HIBCH: variants seen among roughly 807,000 people sequenced by gnomAD.
HIBCH encodes the protein 3-hydroxyisobutyryl-CoA hydrolase.
A neutral mutation model predicts 58.2 loss-of-function variants in HIBCH; 50 were observed. The ratio of observed to expected loss-of-function variants is 0.86; its 90% CI spans 0.68 to 1.09. The LOEUF (loss-of-function observed/expected upper bound fraction) is 1.09, where lower values mean the gene tolerates loss of function less well. Ranked by LOEUF, HIBCH falls within the 50% of genes least tolerant of loss-of-function variation. HIBCH has a pLI of 0.00. For missense variants in HIBCH, 450 were observed against 449.7 expected (o/e 1.00, Z -0.01); for synonymous variants, 151 against 146.9 (o/e 1.03, Z -0.20).
In HIBCH at chr2:190,243,834, G is replaced by A. The variant is rs1273060099; in HGVS notation, c.891+1053C>T. On this transcript the variant is annotated intron_variant, in intron 11 of 13. Transcript: ENST00000359678. This position sits in a 1 kb window ranked among gnomAD's most constrained non-coding sequence, Gnocchi z 4.1. ...AAATACAAAAAATTAGCCACCCGTG[G>A]TGGCACACGCCCGTAGTCCCAGCTA... is the stretch of plus-strand genomic sequence containing the variant. Among the ~76,000 whole-genome samples, 1 of 152,166 alleles carries A rather than the reference G, an allele frequency of 6.6e-6. No homozygotes were observed. Among genetic ancestry groups the A allele is most frequent in the Non-Finnish European group, 1.5e-5 (1 of 68,026 alleles).
chr2:190,271,636 A>G (rs73981034), intron 6 of HIBCH, among the ~76,000 whole-genome samples: 1,994 of 152,192 alleles, frequency 0.013, 52 homozygotes, highest in African/African-American at 0.044. Context: ...ATTCCCTGCA[A>G]TAGCTTCCTA....
intron 1 of HIBCH, among the ~76,000 whole-genome samples, chr2:190,193,517 A>C (rs775319316): frequency 8.2e-4 from 125 of 152,132 alleles, no homozygotes; most frequent in Non-Finnish European, 2.1e-4. Flanking sequence ...AGAGTTCTCT[A>C]GTGTAGCCAT....
Position 190,206,213 on chromosome 2 carries a change from C to A in HIBCH, c.1046-981G>T, listed in dbSNP as rs1425015208. On this transcript the variant is annotated intron_variant, in intron 13 of 13. Coordinates refer to ENST00000359678, the MANE Select transcript of HIBCH (RefSeq NM_014362.4). This position sits in a 1 kb window ranked among gnomAD's most constrained non-coding sequence, Gnocchi z 5.1. Reference sequence around the variant, plus strand: ...GGAAGCTTTTACATACAATTAAATGCAGATACGGGAGGTTTGTTTTTAAGA... The same window carrying A: ...GGAAGCTTTTACATACAATTAAATGAAGATACGGGAGGTTTGTTTTTAAGA... Among the ~76,000 whole-genome samples the A allele has an allele frequency of 6.6e-6, 1 of 152,132 alleles. No homozygotes were observed. Among genetic ancestry groups the A allele is most frequent in the African/African-American group, 2.4e-5 (1 of 41,432 alleles).
chr2:190,260,340 G>T (rs1687053989), intron 7 of HIBCH: 1 of 152,052 alleles, frequency 6.6e-6, no homozygotes, highest in African/African-American at 2.4e-5. Flanking sequence ...TATGACAAAA[G>T]ATAAGACCTA....
intron 11 of HIBCH, among the ~76,000 whole-genome samples, chr2:190,226,344 C>T (rs960540565): frequency 7.9e-5 from 12 of 152,022 alleles, no homozygotes; most frequent in Non-Finnish European, 1.5e-4. Context: ...GCCTGTAATC[C>T]CAGCACTTTG....
chr2:190,203,575 AT>A (rs1690312391), downstream of HIBCH: 1 of 153,590 alleles, frequency 6.5e-6, no homozygotes, highest in East Asian at 1.9e-4. Flanking sequence ...CATTTTCTGC[AT>A]TGTTAACAAA....
intron 11 of HIBCH, among the ~76,000 whole-genome samples, chr2:190,235,233 A>T (rs4853503): frequency 6.6e-6 from 1 of 152,066 alleles, no homozygotes; most frequent in Non-Finnish European, 1.5e-5. Context: ...CTGCTTAATT[A>T]ATCACAGGTT....
intron 7 of HIBCH, among the ~76,000 whole-genome samples, chr2:190,255,002 A>T (rs1686883787): frequency 6.6e-6 from 1 of 152,152 alleles, no homozygotes; most frequent in Non-Finnish European, 1.5e-5. Flanking sequence ...GCTAGTGGCT[A>T]TACAGTATTG....
chr2:190,226,734 C>G (rs572896885), intron 11 of HIBCH, among the ~76,000 whole-genome samples: 1 of 152,020 alleles, frequency 6.6e-6, no homozygotes, highest in African/African-American at 2.4e-5. Flanking sequence ...GCAAAGTCTC[C>G]GGATACAAAA....
At chr2:190,231,612 A>C (rs1686096994) in intron 11 of HIBCH, among the ~76,000 whole-genome samples, 1 of 152,164 alleles carries the variant, frequency 6.6e-6, no homozygotes, top group African/African-American at 2.4e-5. Flanking sequence ...TTTCCCCTTA[A>C]GACTGGGAAT....
intron 6 of HIBCH, among the ~76,000 whole-genome samples, chr2:190,284,082 T>G (rs1333218774): frequency 6.6e-6 from 1 of 152,214 alleles, no homozygotes; most frequent in East Asian, 1.9e-4. Context: ...CTGGTGGAGT[T>G]CTGGTTAAGA....
intron 5 of HIBCH, among the ~76,000 whole-genome samples, chr2:190,288,940 GTC>G: frequency 6.6e-6 from 1 of 151,988 alleles, no homozygotes; most frequent in East Asian, 1.9e-4. Context: ...GGTGAAACCT[GTC>G]TCTACTTAAA....
At chr2:190,240,482 T>C (rs554302018) in intron 11 of HIBCH, among the ~76,000 whole-genome samples, 8 of 152,296 alleles carry the variant, frequency 5.3e-5, no homozygotes, top group African/African-American at 1.2e-4. Flanking sequence ...TTTTTTTCTG[T>C]CTTTATCTCC....
In HIBCH at chr2:190,294,607, A is replaced by G; in HGVS notation, c.243T>C (p.Thr81=). Residue 81 remains threonine (T), a synonymous_variant, in exon 4 of 14, where the codon ACT becomes ACC. Coordinates refer to ENST00000359678, the MANE Select transcript of HIBCH (RefSeq NM_014362.4). The stretch of plus-strand genomic sequence containing the variant: ...CTGCTCCCTTTATAATGATCAGGAA[A>G]GTTTCAGGATCTTGTTCCCACTTCT... ...QLKKWEQDPE[T]FLIIIKGAGG... is the part of the protein sequence containing the mutation. 6.2e-7 allele frequency: 1 copy of G among 1,612,402 alleles called. No homozygotes were observed. The highest frequency in any genetic ancestry group is 8.5e-7 in the Non-Finnish European group (1 of 1,179,340).
intron 2 of HIBCH, among the ~76,000 whole-genome samples, chr2:190,298,788 C>T (rs1390530447): frequency 1.3e-5 from 2 of 152,076 alleles, no homozygotes; most frequent in Admixed American, 1.3e-4. Flanking sequence ...GTTGCAATTG[C>T]TTTTGGTGTT....
intron 11 of HIBCH, 54 bp downstream of exon 11, chr2:190,244,833 C>T: frequency 8.9e-7 from 1 of 1,123,538 alleles, no homozygotes; most frequent in Admixed American, 1.7e-5. Context: ...GAGAGGCTTC[C>T]CTGTCACCGG....
chr2:190,267,415 T>C (rs1180512306), intron 6 of HIBCH, among the ~76,000 whole-genome samples: 1 of 152,016 alleles, frequency 6.6e-6, no homozygotes, highest in Non-Finnish European at 1.5e-5. Flanking sequence ...CAGGCTTGTC[T>C]TGAATGCCTG....
chr2:190,211,123 G>A lies in HIBCH; in HGVS notation c.1011+1833C>T, dbSNP rs1191358748. On this transcript the variant is annotated intron_variant, in intron 12 of 13. Transcript: ENST00000359678. The surrounding 1 kb of genome is among the most constrained non-coding windows in gnomAD (Gnocchi z 5.0). ...ACCTCAACCCCTGGAGCACACCTAT[G>A]TACCTGGAACCTATGTACCTGGGTA... is the stretch of plus-strand genomic sequence containing the variant. 6.6e-6 allele frequency among the ~76,000 whole-genome samples: 1 copy of A among 152,122 alleles called. No individual in the cohort carries two copies. The highest frequency in any genetic ancestry group is 2.4e-5 in the African/African-American group (1 of 41,412).
chr2:190,229,507 A>T (rs1212417457), intron 11 of HIBCH, among the ~76,000 whole-genome samples: 1 of 152,212 alleles, frequency 6.6e-6, no homozygotes, highest in Non-Finnish European at 1.5e-5. Flanking sequence ...ATTTCTAAAA[A>T]CTTTCTTTGA....
Sources: allele counts gnomAD v4.1 joint callset (sites outside exome capture counted in the v4.1 genomes callset), GRCh38; gene constraint gnomAD v4.1.1; non-coding constraint Gnocchi (gnomAD v3.1); transcripts MANE v1.5; gene names NCBI Gene and HGNC (gene_info 2026-07-23, HGNC 2026-07-21).